Variants in WDFY3 observed in about 807,000 individuals in gnomAD.
WDFY3 encodes the protein WD repeat and FYVE domain containing 3, also known as WD repeat and FYVE domain-containing protein 3.
WDFY3 carries 66 observed loss-of-function variants against 409.6 expected under a neutral mutation model. That is an observed-to-expected ratio of 0.16 (90% CI 0.13 to 0.20). The LOEUF (loss-of-function observed/expected upper bound fraction) is 0.20. Among genes scored for constraint, WDFY3 ranks in the 10% least tolerant of loss-of-function variants. WDFY3 has a pLI of 1.00. For missense variants in WDFY3, 3,031 were observed against 4,298.1 expected, an observed-to-expected ratio of 0.71 and a Z score of 8.24; for synonymous variants, 1,521 against 1,537.1, an observed-to-expected ratio of 0.99 and a Z score of 0.25.
At chr4:84,769,747 A>T (rs1744326194) in intron 30 of WDFY3, among the ~76,000 whole-genome samples, 1 of 152,014 alleles carries the variant, frequency 6.6e-6, no homozygotes, top group Non-Finnish European at 1.5e-5. Context: ...TTTAATTGAC[A>T]TATAATTGTA....
At chr4:84,790,293 G>A (rs926171346) in intron 21 of WDFY3, among the ~76,000 whole-genome samples, 1 of 152,082 alleles carries the variant, frequency 6.6e-6, no homozygotes, top group Non-Finnish European at 1.5e-5. Flanking sequence ...AGAGTTTGCA[G>A]TGCTGAGATT....
At chr4:84,828,944 T>C (rs377353797) in intron 9 of WDFY3, 60 bp downstream of exon 9, 1 of 1,456,758 alleles carries the variant, frequency 6.9e-7, no homozygotes, top group South Asian at 1.5e-5. Flanking sequence ...CACATTGTTT[T>C]CTTTGATAAA....
At chr4:84,934,065 C>T (rs547214095) in intron 1 of WDFY3, among the ~76,000 whole-genome samples, 1 of 152,086 alleles carries the variant, frequency 6.6e-6, no homozygotes, top group Non-Finnish European at 1.5e-5. Context: ...GATCACATGG[C>T]AGTTCTATTT....
At chr4:84,758,720 TTAA>T (rs1334835023) in intron 32 of WDFY3, among the ~76,000 whole-genome samples, 1 of 152,158 alleles carries the variant, frequency 6.6e-6, no homozygotes, top group Non-Finnish European at 1.5e-5. Flanking sequence ...GCTCTTCTAA[TTAA>T]TAAAAAAATT....
At chr4:84,876,331 A>AT (rs1762778383) in intron 3 of WDFY3, among the ~76,000 whole-genome samples, 1 of 152,202 alleles carries the variant, frequency 6.6e-6, no homozygotes, top group Admixed American at 6.5e-5. Flanking sequence ...ACAGTATAAC[A>AT]TATTAGTTAC....
intron 15 of WDFY3, among the ~76,000 whole-genome samples, chr4:84,804,694 G>A (rs1459055299): frequency 6.6e-6 from 1 of 151,824 alleles, no homozygotes; most frequent in Non-Finnish European, 1.5e-5. Flanking sequence ...TAAATATTTT[G>A]ATCCATCTAG....
Position 84,678,234 on chromosome 4 carries a change from A to G in WDFY3, c.10193T>C (p.Met3398Thr), listed in dbSNP as rs775761589. 7 of 1,614,134 alleles carry G rather than the reference A, an allele frequency of 4.3e-6. No individual in the cohort carries two copies. Among genetic ancestry groups the G allele is most frequent in the Non-Finnish European group, 5.1e-6 (6 of 1,180,014 alleles). Reference sequence around the variant, plus strand: ...GTCCTTTCGATCAAAGGCTGTGTGCATAGTCAGCTTACTCCTGAACACCAG... The same window carrying G: ...GTCCTTTCGATCAAAGGCTGTGTGCGTAGTCAGCTTACTCCTGAACACCAG... ...RQLVFRSKLT[M>T]HTAFDRKDNA... Residue 3398 changes from methionine to threonine, a missense_variant, in exon 66 of 68, where the codon ATG (methionine) becomes ACG (threonine). This residue lies in a region of WDFY3 where 378 missense variants were observed against 477.3 expected (regional missense o/e 0.79). Coordinates refer to ENST00000295888, the MANE Select transcript of WDFY3 (RefSeq NM_014991.6).
intron 3 of WDFY3, among the ~76,000 whole-genome samples, chr4:84,878,989 A>G (rs1763140001): frequency 6.6e-6 from 1 of 152,206 alleles, no homozygotes; most frequent in Non-Finnish European, 1.5e-5. Flanking sequence ...CTCTGCCGAT[A>G]ATGTGGCTAT....
In WDFY3 at chr4:84,756,994, T is replaced by C. The variant is rs1741581635; in HGVS notation, c.5356A>G (p.Ser1786Gly). The C allele has an allele frequency of 6.2e-7, 1 of 1,614,026 alleles. No homozygotes were observed. The highest frequency in any genetic ancestry group is 1.1e-5 in the South Asian group (1 of 91,082). Residue 1786 changes from serine (S) to glycine (G), a missense_variant, in exon 33 of 68, where the codon AGT becomes GGT. Coordinates refer to ENST00000295888, the MANE Select transcript of WDFY3 (RefSeq NM_014991.6). The stretch of plus-strand genomic sequence containing the variant: ...ACCTGCAGGTTCTCAGGCAGCTCAC[T>C]AACTGGCTGCTGCAGAAACAAGGCC... ...LMALFLQQPV[S>G]ELPENLQVSV...
At chr4:84,681,939 G>A (rs1727425024) in intron 64 of WDFY3, among the ~76,000 whole-genome samples, 1 of 152,190 alleles carries the variant, frequency 6.6e-6, no homozygotes, top group African/African-American at 2.4e-5. Context: ...GTGGACTCTG[G>A]TCTGCCTCTG....
intron 5 of WDFY3, 39 bp downstream of exon 5, chr4:84,849,863 T>C (rs1758639018): frequency 6.2e-7 from 1 of 1,604,298 alleles, no homozygotes; most frequent in Admixed American, 1.7e-5. Context: ...TGCTTGTTCA[T>C]TCAAACAAAT....
chr4:84,822,294 G>A (rs1159365089), intron 10 of WDFY3, among the ~76,000 whole-genome samples: 3 of 152,132 alleles, frequency 2.0e-5, no homozygotes, highest in Non-Finnish European at 2.9e-5. Flanking sequence ...TACCTATTAG[G>A]AGTATATGGC....
chr4:84,726,987 G>A, intron 44 of WDFY3, 76 bp from the exon 45 acceptor site: 2 of 1,349,610 alleles, frequency 1.5e-6, no homozygotes, highest in South Asian at 1.3e-5. Context: ...AATTTTTCTT[G>A]AGGATTGTAT....
chr4:84,873,755 T>C (rs1009205283), intron 3 of WDFY3, among the ~76,000 whole-genome samples: 3 of 151,800 alleles, frequency 2.0e-5, no homozygotes, highest in African/African-American at 4.8e-5. Context: ...ATGACTGGTG[T>C]CTTGTTCGTT....
chr4:84,788,180 G>A (rs1298496049), intron 22 of WDFY3, among the ~76,000 whole-genome samples: 1 of 152,182 alleles, frequency 6.6e-6, no homozygotes, highest in Non-Finnish European at 1.5e-5. Flanking sequence ...ATTAAGTACA[G>A]TATAAGAGAT....
At position 84,851,035 on chromosome 4, in the gene WDFY3, C is replaced by G. The variant is rs373796563; in HGVS notation, c.181-1010G>C. On this transcript the variant is annotated intron_variant, in intron 4 of 67. Transcript: ENST00000295888. ...CTCCTGGGTTCAAGCTATCCTCCTGCCTCTGCCTCCCTAAGTGCTGGGATT... is the reference window on the plus strand; with the variant it reads ...CTCCTGGGTTCAAGCTATCCTCCTGGCTCTGCCTCCCTAAGTGCTGGGATT... Among the ~76,000 whole-genome samples, 3 of 136,346 alleles carry G rather than the reference C, an allele frequency of 2.2e-5. No individual in the cohort carries two copies. In the East Asian group the frequency reaches 7.1e-4, roughly 32 times the overall value. The allele number at this position is 136,346 out of a possible 152,430, so 89.4% of individuals were successfully genotyped here.
chr4:84,759,766 T>C (rs1358209419), intron 32 of WDFY3, among the ~76,000 whole-genome samples: 1 of 151,822 alleles, frequency 6.6e-6, no homozygotes, highest in Non-Finnish European at 1.5e-5. Flanking sequence ...ACAATTTGAC[T>C]TCCTCTTTTC....
At chr4:84,850,955 TTTTTTTTTTTTTTTG>T (rs1385767117) in intron 4 of WDFY3, among the ~76,000 whole-genome samples, 4 of 112,638 alleles carry the variant, frequency 3.6e-5, no homozygotes, top group African/African-American at 9.8e-5. Flanking sequence ...TTTTTTTTTT[TTTTTTTTTTTTTTTG>T]AGAACTGGTT....
chr4:84,716,677 T>C (rs1733995547), intron 49 of WDFY3, among the ~76,000 whole-genome samples: 1 of 151,286 alleles, frequency 6.6e-6, no homozygotes, highest in African/African-American at 2.4e-5. Flanking sequence ...CGGGCGCCTA[T>C]AGTCCCAGCT....
Sources: gnomAD v4.1 joint callset for allele counts (sites outside exome capture counted in the v4.1 genomes callset) on GRCh38, gnomAD v4.1.1 for gene constraint, gnomAD v4.1.1 regional missense constraint, MANE v1.5 for transcripts, NCBI Gene and HGNC (gene_info 2026-07-23, HGNC 2026-07-21) for gene names.